LUZP1: variants seen among roughly 807,000 people sequenced by gnomAD.
LUZP1 encodes the protein leucine zipper protein 1.
A neutral mutation model predicts 71.3 loss-of-function variants in LUZP1; 25 were observed. That is an observed-to-expected ratio of 0.35 (90% confidence interval 0.26 to 0.49). The LOEUF (loss-of-function observed/expected upper bound fraction) is 0.49. Ranked by LOEUF, LUZP1 falls within the 20% of genes least tolerant of loss-of-function variation. LUZP1 has a pLI of 0.99. For missense variants in LUZP1, 1,142 were observed against 1,300.8 expected (o/e 0.88, Z 1.88); for synonymous variants, 481 against 506.4 (o/e 0.95, Z 0.67).
At chr1:23,164,413 A>G (rs1461878304) in intron 2 of LUZP1, among the ~76,000 whole-genome samples, 1 of 151,718 alleles carries the variant, frequency 6.6e-6, no homozygotes, top group African/African-American at 2.4e-5. Flanking sequence ...AATGGCGTGA[A>G]CCCGGGAGGC....
intron 2 of LUZP1, among the ~76,000 whole-genome samples, chr1:23,114,880 C>T (rs1644065356): frequency 6.6e-6 from 1 of 152,168 alleles, no homozygotes; most frequent in African/African-American, 2.4e-5. Context: ...ATCAGTCAAA[C>T]AAAAAGGCCA....
intron 3 of LUZP1, among the ~76,000 whole-genome samples, chr1:23,106,789 T>C (rs76126939): frequency 0.037 from 5,608 of 152,180 alleles, 371 homozygotes; most frequent in Admixed American, 0.16. Context: ...GCTTCCTAAC[T>C]TGTCTCCCTG....
intron 4 of LUZP1, 144 bp downstream of exon 3, chr1:23,091,046 T>C: frequency 1.1e-6 from 1 of 907,320 alleles, no homozygotes. Context: ...ACCCCCCTGA[T>C]TTTTCAACAG....
chr1:23,110,628 G>GCACACACA (rs1433726525), intron 2 of LUZP1, among the ~76,000 whole-genome samples: 1 of 48,944 alleles, frequency 2.0e-5, no homozygotes, highest in East Asian at 4.6e-4. Context: ...GCATGAACGC[G>GCACACACA]CACACATACA....
intron 2 of LUZP1, among the ~76,000 whole-genome samples, chr1:23,115,753 C>T (rs1213551625): frequency 3.3e-5 from 5 of 152,018 alleles, no homozygotes; most frequent in African/African-American, 4.8e-5. Flanking sequence ...GTTGGCCAGG[C>T]TGGTTCTCAA....
At chr1:23,117,454 C>CCTCCCTCTCTCTCT (rs1553137817) in intron 2 of LUZP1, among the ~76,000 whole-genome samples, 2 of 13,358 alleles carry the variant, frequency 1.5e-4, no homozygotes, top group African/African-American at 8.9e-4. Flanking sequence ...TTTTTTTTTT[C>CCTCCCTCTCTCTCT]CTCTCTCTCT....
intron 2 of LUZP1, among the ~76,000 whole-genome samples, chr1:23,131,678 ATTTAT>A (rs55796859): frequency 2.0e-5 from 3 of 151,280 alleles, no homozygotes; most frequent in Admixed American, 2.0e-4. Flanking sequence ...TTATTCATTT[ATTTAT>A]TTTATTTTAT....
intron 2 of LUZP1, among the ~76,000 whole-genome samples, chr1:23,133,248 T>A (rs1163926269): frequency 3.3e-5 from 5 of 152,244 alleles, no homozygotes; most frequent in African/African-American, 9.6e-5. Context: ...CAAGCATTTT[T>A]AAAAATATTA....
At chr1:23,151,051 G>GTT (rs1644379336) in intron 2 of LUZP1, among the ~76,000 whole-genome samples, 1 of 151,934 alleles carries the variant, frequency 6.6e-6, no homozygotes, top group Admixed American at 6.6e-5. Context: ...TTTTTTGTTT[G>GTT]TTTATTTTTT....
intron 1 of LUZP1, among the ~76,000 whole-genome samples, chr1:23,171,213 C>T (rs1644551243): frequency 6.6e-6 from 1 of 151,642 alleles, no homozygotes; most frequent in Non-Finnish European, 1.5e-5. Context: ...CATAACAATC[C>T]ACCTAATCAT....
In LUZP1 at chr1:23,093,399, A is replaced by G. The variant is rs368562864; in HGVS notation, c.863T>C (p.Val288Ala). Residue 288 changes from valine to alanine, a missense_variant, in exon 4 of 5, where the codon GTC becomes GCC. By Grantham distance (64) the Val-to-Ala change is moderately conservative. Transcript: ENST00000302291. The surrounding 1 kb of genome is among the most constrained non-coding windows in gnomAD (Gnocchi z 4.2). ...CTCAATCTCTTGGTTAAGGTCTTTG[A>G]CTTTGTTGTCTTCCTGATTGCGGTT... 2.5e-6 allele frequency: 4 copies of G among 1,613,606 alleles called. No homozygotes were observed. The highest frequency in any genetic ancestry group is 3.4e-6 in the Non-Finnish European group (4 of 1,179,950).
intron 2 of LUZP1, among the ~76,000 whole-genome samples, chr1:23,122,748 T>C (rs1159714967): frequency 6.6e-6 from 1 of 152,214 alleles, no homozygotes; most frequent in Non-Finnish European, 1.5e-5. Context: ...CAAAGTTCCA[T>C]TTCCTCAAAT....
chr1:23,133,931 G>A (rs892774376), intron 2 of LUZP1, among the ~76,000 whole-genome samples: 4 of 152,070 alleles, frequency 2.6e-5, no homozygotes, highest in African/African-American at 9.7e-5. Context: ...AGACAAATCC[G>A]ATTTATGGGA....
exon 4 of LUZP1, chr1:23,092,893 G>A (rs564237938): frequency 3.1e-6 from 5 of 1,613,626 alleles, no homozygotes; most frequent in Non-Finnish European, 3.4e-6. Flanking sequence ...GAGGAGCCGG[G>A]TACAAACCGG....
chr1:23,174,409 C>T (rs1295093246), intron 1 of LUZP1, among the ~76,000 whole-genome samples: 1 of 152,166 alleles, frequency 6.6e-6, no homozygotes, highest in African/African-American at 2.4e-5. Context: ...ATTTTCTCTA[C>T]TCAATCTACC....
intron 1 of LUZP1, among the ~76,000 whole-genome samples, chr1:23,176,751 A>G (rs1257298448): frequency 2.0e-5 from 3 of 152,232 alleles, no homozygotes; most frequent in East Asian, 1.9e-4. Flanking sequence ...GAGGCCCCCA[A>G]GTTGCTACAG....
intron 2 of LUZP1, among the ~76,000 whole-genome samples, chr1:23,129,731 C>T (rs571578109): frequency 1.2e-4 from 18 of 152,222 alleles, no homozygotes; most frequent in African/African-American, 3.9e-4. Context: ...AAACAAATTC[C>T]ATCCCATCAA....
chr1:23,138,663 T>TGTGTGTGTGTG (rs1553140068), intron 2 of LUZP1, among the ~76,000 whole-genome samples: 12 of 125,674 alleles, frequency 9.5e-5, no homozygotes, highest in East Asian at 2.4e-4. Flanking sequence ...GATTATGTGT[T>TGTGTGTGTGTG]TGTGTGTGTG....
chr1:23,088,529 C>A, exon 5 of LUZP1: 1 of 191,378 alleles, frequency 5.2e-6, no homozygotes, highest in Non-Finnish European at 1.1e-5. Context: ...ACAGAGGCTG[C>A]CCTAGGATCC....
Sources: allele counts gnomAD v4.1 joint callset (sites outside exome capture counted in the v4.1 genomes callset), GRCh38; gene constraint gnomAD v4.1.1; non-coding constraint Gnocchi (gnomAD v3.1); transcripts MANE v1.5; gene names NCBI Gene and HGNC (gene_info 2026-07-23, HGNC 2026-07-21).